RGS17: variants seen among roughly 807,000 people sequenced by gnomAD.
RGS17 encodes regulator of G protein signaling 17.
In RGS17, 12 loss-of-function variants were observed where a neutral mutation model predicts 25.5. The observed-to-expected ratio is 0.47, with a 90% CI of 0.30 to 0.76. The LOEUF is 0.76. Among genes scored for constraint, RGS17 ranks in the 30% least tolerant of loss-of-function variants. The pLI is 0.07. For synonymous variants in RGS17, 71 were observed against 76.9 expected (o/e 0.92, Z 0.40); for missense variants, 196 against 242.2 (o/e 0.81, Z 1.27).
intron 1 of RGS17, among the ~76,000 whole-genome samples, chr6:153,123,049 T>C (rs186650478): frequency 3.8e-4 from 57 of 151,882 alleles, no homozygotes; most frequent in African/African-American, 1.2e-3. Context: ...CTGGAGTAAA[T>C]TGGAGTATTT....
chr6:153,041,836 G>A (rs1211309960), intron 2 of RGS17, among the ~76,000 whole-genome samples: 1 of 152,130 alleles, frequency 6.6e-6, no homozygotes, highest in Non-Finnish European at 1.5e-5. Context: ...TTTCAAGCCA[G>A]TTCCTCTTTA....
At chr6:153,097,967 T>C (rs1048700518) in intron 1 of RGS17, among the ~76,000 whole-genome samples, 3 of 152,178 alleles carry the variant, frequency 2.0e-5, no homozygotes, top group Admixed American at 6.5e-5. Flanking sequence ...GAATAAGTAA[T>C]TCTTCTCACT....
chr6:153,091,811 C>A (rs1041214584), intron 1 of RGS17, among the ~76,000 whole-genome samples: 6 of 152,120 alleles, frequency 3.9e-5, no homozygotes, highest in Admixed American at 2.0e-4. Flanking sequence ...CCATGCCCAG[C>A]CGGCATACTT....
chr6:153,049,699 C>T (rs776444574), intron 1 of RGS17, among the ~76,000 whole-genome samples: 14 of 151,856 alleles, frequency 9.2e-5, no homozygotes, highest in Non-Finnish European at 1.8e-4. Context: ...TGCAGTGAGC[C>T]GAGATCGCAC....
chr6:153,104,538 T>C (rs1777351330), intron 1 of RGS17, among the ~76,000 whole-genome samples: 2 of 152,180 alleles, frequency 1.3e-5, no homozygotes, highest in African/African-American at 4.8e-5. Context: ...ATCTGTTGGA[T>C]ACATAGGAAA....
chr6:153,016,268 A>T (rs1241125601), intron 4 of RGS17, among the ~76,000 whole-genome samples: 1 of 152,230 alleles, frequency 6.6e-6, no homozygotes, highest in Non-Finnish European at 1.5e-5. Context: ...TTTTGCATTT[A>T]TATGCCAGAG....
chr6:153,088,440 C>T (rs554150838), intron 1 of RGS17, among the ~76,000 whole-genome samples: 71 of 152,182 alleles, frequency 4.7e-4, no homozygotes, highest in African/African-American at 1.7e-3. Flanking sequence ...TGAACTTGGC[C>T]AATTATTCAT....
chr6:153,120,930 C>A (rs1254291485), intron 1 of RGS17, among the ~76,000 whole-genome samples: 1 of 152,142 alleles, frequency 6.6e-6, no homozygotes, highest in Admixed American at 6.5e-5. Flanking sequence ...AGATCCTGGT[C>A]TAGCCATTTA....
At chr6:153,035,090 G>T (rs780556368) in intron 2 of RGS17, among the ~76,000 whole-genome samples, 9 of 151,482 alleles carry the variant, frequency 5.9e-5, no homozygotes, top group Non-Finnish European at 1.3e-4. Context: ...GCAGGCAGAG[G>T]TTGCAGTGGG....
At chr6:153,071,472 GTTGTT>G (rs1776802168) in intron 1 of RGS17, among the ~76,000 whole-genome samples, 1 of 151,610 alleles carries the variant, frequency 6.6e-6, no homozygotes. Context: ...TGGTTTTTAT[GTTGTT>G]TTGTTTTTAA....
rs766892546 is a variant in RGS17, at chr6:153,043,487, T to TAAAAA, written c.119+408_119+412dup. On this transcript the variant is annotated intron_variant, in intron 2 of 4. Coordinates refer to ENST00000206262, the MANE Select transcript of RGS17 (RefSeq NM_012419.5). ...ACCCTATCAAGTAGCAGCAGAGAACTAAAAAAAAAAAAAAACACATGCAAT... is the reference window on the plus strand; with the variant it reads ...ACCCTATCAAGTAGCAGCAGAGAACTAAAAAAAAAAAAAAAAAAAACACATGCAAT... Among the ~76,000 whole-genome samples, 2 of 135,490 alleles carry TAAAAA rather than the reference T, an allele frequency of 1.5e-5. 1 individual carries two copies. Among genetic ancestry groups the TAAAAA allele is most frequent in the Non-Finnish European group, 3.2e-5 (2 of 62,588 alleles). The allele number at this position is 135,490 out of a possible 152,430, so 88.9% of individuals were successfully genotyped here. A position where few individuals can be genotyped will look rare whatever the true frequency, so the allele number is the denominator to read the frequency against.
intron 1 of RGS17, among the ~76,000 whole-genome samples, chr6:153,079,898 T>C (rs1776947888): frequency 6.6e-6 from 1 of 152,174 alleles, no homozygotes; most frequent in Admixed American, 6.5e-5. Context: ...ATTAACCAGT[T>C]ATTTGGACCT....
At chr6:153,090,337 G>T (rs1361174619) in intron 1 of RGS17, among the ~76,000 whole-genome samples, 1 of 151,686 alleles carries the variant, frequency 6.6e-6, no homozygotes, top group Admixed American at 6.6e-5. Flanking sequence ...TCCAGGCCCG[G>T]CATGGTGGCT....
intron 1 of RGS17, among the ~76,000 whole-genome samples, chr6:153,103,940 A>C (rs1389949187): frequency 2.6e-5 from 4 of 152,266 alleles, no homozygotes; most frequent in African/African-American, 9.6e-5. Flanking sequence ...AGAGGATACC[A>C]CATCTTATTG....
chr6:153,128,794 A>G (rs1443057753), intron 1 of RGS17, among the ~76,000 whole-genome samples: 1 of 152,234 alleles, frequency 6.6e-6, no homozygotes, highest in Non-Finnish European at 1.5e-5. Flanking sequence ...CAAATAAATA[A>G]GTACCTCAGA....
At chr6:153,118,987 T>C (rs983544005) in intron 1 of RGS17, among the ~76,000 whole-genome samples, 2 of 152,218 alleles carry the variant, frequency 1.3e-5, no homozygotes, top group Non-Finnish European at 2.9e-5. Flanking sequence ...TATGAATGTG[T>C]ACATATATGA....
intron 1 of RGS17, among the ~76,000 whole-genome samples, chr6:153,111,821 G>A (rs1358339801): frequency 6.6e-6 from 1 of 152,190 alleles, no homozygotes; most frequent in Non-Finnish European, 1.5e-5. Context: ...TGGACCTCCT[G>A]TAAACTCCAG....
intron 1 of RGS17, among the ~76,000 whole-genome samples, chr6:153,117,218 A>T (rs917031847): frequency 4.6e-5 from 7 of 152,154 alleles, no homozygotes. Context: ...GCAAGCTTGG[A>T]CTTTCTCACA....
Position 153,009,408 on chromosome 6 carries a change from C to G in RGS17, c.*2166G>C, listed in dbSNP as rs1283358346. 1 of 151,902 alleles carries G rather than the reference C, an allele frequency of 6.6e-6. No homozygotes were observed. The highest frequency in any genetic ancestry group is 1.5e-5 in the Non-Finnish European group (1 of 67,866). 9.4% of individuals were successfully genotyped at this position (151,902 alleles called of 1,614,324 possible). A position where few individuals can be genotyped will look rare whatever the true frequency, so the allele number is the denominator to read the frequency against. ...TCATAGTAGCATAATAAACTCAATT[C>G]TAAGCAAGAAAAAAATTAAATAATT... On this transcript the variant is annotated 3_prime_UTR_variant, in exon 5 of 5. Transcript: ENST00000206262.
Sources: allele counts gnomAD v4.1 joint callset (sites outside exome capture counted in the v4.1 genomes callset), GRCh38; gene constraint gnomAD v4.1.1; transcripts MANE v1.5; gene names NCBI Gene and HGNC (gene_info 2026-07-23, HGNC 2026-07-21).